Variants in MAU2 observed in about 807,000 individuals in gnomAD.
MAU2 encodes the protein MAU2 chromatid cohesion factor homolog.
A neutral mutation model predicts 89.1 loss-of-function variants in MAU2; 9 were observed. That is an observed-to-expected ratio of 0.10 (90% CI 0.06 to 0.18). MAU2 has a LOEUF of 0.18. Among genes scored for constraint, MAU2 ranks in the 10% least tolerant of loss-of-function variants. MAU2 has a pLI of 1.00. For synonymous variants in MAU2, 357 were observed against 343.4 expected, an observed-to-expected ratio of 1.04 and a Z score of -0.44; for missense variants, 425 against 803.5, an observed-to-expected ratio of 0.53 and a Z score of 5.69.
chr19:19,353,293 C>G (rs2061759739), intron 16 of MAU2: 1 of 152,236 alleles, frequency 6.6e-6, no homozygotes, highest in South Asian at 2.1e-4. Context: ...TGCTTTCAGA[C>G]AGAGGTCCTT....
chr19:19,351,238 C>T (rs1268394622), intron 16 of MAU2, among the ~76,000 whole-genome samples: 1 of 151,692 alleles, frequency 6.6e-6, no homozygotes, highest in African/African-American at 2.4e-5. Flanking sequence ...TTGGTAGAGA[C>T]TGGGTCTCCA....
At chr19:19,349,254 G>A (rs377042876) in intron 15 of MAU2, 22 bp downstream of exon 15, 1 of 1,614,146 alleles carries the variant, frequency 6.2e-7, no homozygotes, top group African/African-American at 1.3e-5. Flanking sequence ...GCAGAGGGTG[G>A]CGTGAGGGCC....
At chr19:19,325,620 C>T (rs1473121774) in intron 1 of MAU2, among the ~76,000 whole-genome samples, 2 of 152,098 alleles carry the variant, frequency 1.3e-5, no homozygotes, top group Non-Finnish European at 2.9e-5. Flanking sequence ...GCTAGGATTA[C>T]AGGCATGTGC....
intron 5 of MAU2, 112 bp downstream of exon 5, chr19:19,339,051 C>T: frequency 2.4e-6 from 2 of 821,050 alleles, no homozygotes; most frequent in Non-Finnish European, 3.8e-6. Context: ...CAGTAGCTCA[C>T]AGTATATTCC....
At chr19:19,347,407 TCTC>T in intron 13 of MAU2, 41 bp downstream of exon 13, 1 of 1,521,692 alleles carries the variant, frequency 6.6e-7, no homozygotes, top group East Asian at 2.3e-5. Context: ...TTCTCTCTGT[TCTC>T]TTCTTTTTGG....
intron 4 of MAU2, among the ~76,000 whole-genome samples, chr19:19,338,604 A>G (rs1004503353): frequency 2.6e-5 from 4 of 152,202 alleles, no homozygotes; most frequent in African/African-American, 7.2e-5. Flanking sequence ...CATTAAGTTT[A>G]GATAGTGTCC....
chr19:19,335,401 T>A (rs1213386771), intron 1 of MAU2, among the ~76,000 whole-genome samples: 1 of 152,208 alleles, frequency 6.6e-6, no homozygotes, highest in Non-Finnish European at 1.5e-5. Flanking sequence ...AGGTCACCTC[T>A]GAGCTCTGTT....
At chr19:19,347,069 T>C in intron 12 of MAU2, 1 of 546,228 alleles carries the variant, frequency 1.8e-6, no homozygotes, top group Non-Finnish European at 3.3e-6. Flanking sequence ...CTGTGTTCTC[T>C]AACTGCCCCG....
chr19:19,331,266 G>A (rs377676792), intron 1 of MAU2, among the ~76,000 whole-genome samples: 11 of 152,028 alleles, frequency 7.2e-5, no homozygotes, highest in South Asian at 4.2e-4. Context: ...TTGGGAGGCC[G>A]AGGCAGGCAG....
At position 19,338,895 on chromosome 19, in the gene MAU2, T is replaced by C. The variant is rs1028663496; in HGVS notation, c.507T>C (p.Gly169=). Residue 169 remains glycine, a synonymous_variant, in exon 5 of 19, where the codon GGT becomes GGC. Transcript: ENST00000262815. ...KDLVSACDLL[G]VGAEYARVVG... ...TGGTGTCGGCCTGTGACCTCCTGGG[T>C]GTAGGGGCCGAGTACGCCCGGGTGG... 11 of 1,613,666 alleles carry C rather than the reference T, an allele frequency of 6.8e-6. No homozygotes were observed. The highest frequency in any genetic ancestry group is 9.3e-6 in the Non-Finnish European group (11 of 1,179,942).
chr19:19,335,621 C>T, intron 1 of MAU2, 97 bp from the exon 2 acceptor site: 2 of 1,277,176 alleles, frequency 1.6e-6, no homozygotes, highest in Non-Finnish European at 2.3e-6. Flanking sequence ...CTGGCAGCCT[C>T]TGTTCTCAGG....
intron 10 of MAU2, 157 bp downstream of exon 10, chr19:19,344,097 C>T (rs1201213472): frequency 4.8e-6 from 3 of 628,500 alleles, no homozygotes; most frequent in African/African-American, 3.6e-5. Flanking sequence ...ATGGGCACCA[C>T]TGATCAGAGA....
Position 19,341,559 on chromosome 19 carries a change from C to G in MAU2, c.735+152C>G, listed in dbSNP as rs1485382606. 3 of 970,198 alleles carry G rather than the reference C, an allele frequency of 3.1e-6. No individual in the cohort carries two copies. The African/African-American group carries it at 4.9e-5, about 16-fold the overall frequency. 60.1% of individuals were successfully genotyped at this position (970,198 alleles called of 1,614,324 possible). A position where few individuals can be genotyped will look rare whatever the true frequency, so the allele number is the denominator to read the frequency against. On this transcript the variant is annotated intron_variant, in intron 7 of 18. Transcript: ENST00000262815. ...CATACCAGTCCCGGACACACACACTCCTGTCCTGCTCTGCCACGAGTGCTG... is the reference window on the plus strand; with the variant it reads ...CATACCAGTCCCGGACACACACACTGCTGTCCTGCTCTGCCACGAGTGCTG...
At chr19:19,344,816 G>T in intron 10 of MAU2, 33 bp from the exon 11 acceptor site, 1 of 1,589,984 alleles carries the variant, frequency 6.3e-7, no homozygotes, top group Non-Finnish European at 8.6e-7. Flanking sequence ...CCAGGTTGCA[G>T]TCCTGTGATG....
intron 17 of MAU2, chr19:19,354,682 G>A (rs763055752): frequency 2.0e-5 from 11 of 550,814 alleles, no homozygotes; most frequent in Non-Finnish European, 3.0e-5. Flanking sequence ...CAGAGGCTGC[G>A]ACTTGGTATC....
At chr19:19,331,051 C>T (rs1166979194) in intron 1 of MAU2, among the ~76,000 whole-genome samples, 1 of 152,138 alleles carries the variant, frequency 6.6e-6, no homozygotes, top group Admixed American at 6.6e-5. Flanking sequence ...CTGTTGCAAC[C>T]CTCTCTTGCT....
chr19:19,343,673 GAC>G (rs1344061654), intron 9 of MAU2, among the ~76,000 whole-genome samples, 162 bp from the exon 10 acceptor site: 1 of 152,220 alleles, frequency 6.6e-6, no homozygotes, highest in Admixed American at 6.5e-5. Flanking sequence ...TGGACAGCAA[GAC>G]ACACTCCTTC....
In MAU2 at chr19:19,352,948, C is replaced by T. The variant is rs1410754994; in HGVS notation, c.1549-1407C>T. On this transcript the variant is annotated intron_variant, in intron 16 of 18. Coordinates refer to ENST00000262815, the MANE Select transcript of MAU2 (RefSeq NM_015329.4). ...TCCTGTGAGGTCAGGCTGGGGACAT[C>T]CAGAAAGGTGGCAGCCTTGGGGGCC... is the stretch of plus-strand genomic sequence containing the variant. 3 of 152,418 alleles carry T rather than the reference C, an allele frequency of 2.0e-5. 1 individual carries two copies. Among genetic ancestry groups the T allele is most frequent in the Non-Finnish European group, 4.4e-5 (3 of 68,244 alleles). 9.4% of individuals were successfully genotyped at this position (152,418 alleles called of 1,614,324 possible). A position where few individuals can be genotyped will look rare whatever the true frequency, so the allele number is the denominator to read the frequency against.
chr19:19,347,388 C>G (rs762334563), intron 13 of MAU2, 22 bp downstream of exon 13: 2 of 1,569,924 alleles, frequency 1.3e-6, no homozygotes, highest in Admixed American at 3.3e-5. Flanking sequence ...GCTTCATGTT[C>G]GGTATCCTTT....
Sources: gnomAD v4.1 joint callset for allele counts (sites outside exome capture counted in the v4.1 genomes callset) on GRCh38, gnomAD v4.1.1 for gene constraint, MANE v1.5 for transcripts, NCBI Gene and HGNC (gene_info 2026-07-23, HGNC 2026-07-21) for gene names.